The following NDST4 variants were observed in gnomAD, a reference collection of about 807,000 sequenced individuals.
NDST4 encodes N-heparan sulfate sulfotransferase 4.
NDST4 carries 63 observed loss-of-function variants against 100.8 expected under a neutral mutation model. The observed-to-expected ratio is 0.62, with a 90% CI of 0.51 to 0.77. The LOEUF is 0.77. Among genes scored for constraint, NDST4 ranks in the 30% least tolerant of loss-of-function variants. The pLI, the probability that NDST4 is intolerant of heterozygous loss-of-function variation, is 0.00. For missense variants in NDST4, 943 were observed against 1,018.4 expected (o/e 0.93, Z 1.01); for synonymous variants, 377 against 361.8 (o/e 1.04, Z -0.48).
At chr4:115,096,127 TAAAACAAAACTGAC>T in intron 1 of NDST4, among the ~76,000 whole-genome samples, 2 of 150,640 alleles carry the variant, frequency 1.3e-5, no homozygotes, top group African/African-American at 2.4e-5. Flanking sequence ...GTACATTTTT[TAAAACAAAACTGAC>T]TAAATCCCAC....
At chr4:114,881,625 A>G (rs909336316) in intron 6 of NDST4, among the ~76,000 whole-genome samples, 3 of 152,086 alleles carry the variant, frequency 2.0e-5, no homozygotes, top group African/African-American at 7.2e-5. Context: ...CTCCAGCAGT[A>G]CACCAATGAG....
At chr4:115,005,849 A>G (rs1335051968) in intron 2 of NDST4, among the ~76,000 whole-genome samples, 1 of 151,992 alleles carries the variant, frequency 6.6e-6, no homozygotes. Context: ...CCTGGCCAAC[A>G]TGGTGAAACC....
chr4:114,933,528 T>C (rs952981330), intron 6 of NDST4, among the ~76,000 whole-genome samples: 1 of 149,576 alleles, frequency 6.7e-6, no homozygotes, highest in African/African-American at 2.5e-5. Flanking sequence ...CAAAAAGCTT[T>C]TGCACAGCAA....
At chr4:114,945,154 G>A (rs1287673721) in intron 4 of NDST4, among the ~76,000 whole-genome samples, 1 of 137,792 alleles carries the variant, frequency 7.3e-6, no homozygotes, top group African/African-American at 2.7e-5. Flanking sequence ...GTTGTGGTGA[G>A]CCGAGATCAT....
intron 7 of NDST4, among the ~76,000 whole-genome samples, chr4:114,860,405 G>C (rs1374126485): frequency 6.6e-6 from 1 of 152,006 alleles, no homozygotes; most frequent in Non-Finnish European, 1.5e-5. Context: ...TTCCCAGCTA[G>C]AGAGTATATT....
At chr4:115,088,679 C>T (rs1729454709) in intron 1 of NDST4, among the ~76,000 whole-genome samples, 1 of 151,880 alleles carries the variant, frequency 6.6e-6, no homozygotes, top group Non-Finnish European at 1.5e-5. Flanking sequence ...CCTAATTTTT[C>T]TCTTTAGCTT....
At chr4:114,890,845 A>G (rs1333373156) in intron 6 of NDST4, among the ~76,000 whole-genome samples, 3 of 152,086 alleles carry the variant, frequency 2.0e-5, no homozygotes, top group East Asian at 3.9e-4. Flanking sequence ...GCCTACAATC[A>G]TATAGTCTCT....
intron 2 of NDST4, among the ~76,000 whole-genome samples, chr4:115,033,155 A>ATT (rs1293503455): frequency 0.062 from 1,687 of 27,392 alleles, 28 homozygotes; most frequent in African/African-American, 0.16. Flanking sequence ...ATATATATAT[A>ATT]TATTTTTTTT....
At chr4:115,029,649 G>A (rs1359277423) in intron 2 of NDST4, among the ~76,000 whole-genome samples, 2 of 152,024 alleles carry the variant, frequency 1.3e-5, no homozygotes, top group African/African-American at 4.8e-5. Flanking sequence ...GTTCATACAG[G>A]CTGTTTGCCA....
chr4:115,077,146 A>G lies in NDST4; in HGVS notation c.-110T>C. The stretch of plus-strand genomic sequence containing the variant: ...TCACTTCCCCAGAGTTCATGTAACC[A>G]TCGCAAATCATGTAAAATGTTTGAA... On this transcript the variant is annotated 5_prime_UTR_variant, in exon 2 of 14. An upstream start codon of the reference 5' UTR is lost. Coordinates refer to ENST00000264363, the MANE Select transcript of NDST4 (RefSeq NM_022569.3). 1 of 1,015,046 alleles carries G rather than the reference A, an allele frequency of 9.9e-7. No homozygotes were observed. Among genetic ancestry groups the G allele is most frequent in the Admixed American group, 2.9e-5 (1 of 34,990 alleles). 62.9% of individuals were successfully genotyped at this position (1,015,046 alleles called of 1,614,324 possible).
At chr4:114,970,685 T>C (rs969202598) in intron 3 of NDST4, 101 bp from the exon 4 acceptor site, 4 of 969,476 alleles carry the variant, frequency 4.1e-6, no homozygotes, top group Non-Finnish European at 6.0e-6. Flanking sequence ...TGCTGATACA[T>C]ATATCCAATT....
chr4:114,927,399 A>G (rs1349792947), intron 6 of NDST4, among the ~76,000 whole-genome samples: 1 of 152,094 alleles, frequency 6.6e-6, no homozygotes, highest in Non-Finnish European at 1.5e-5. Context: ...GGAACTTAAT[A>G]TGTCATGATT....
At chr4:115,081,525 C>G (rs761833635) in intron 1 of NDST4, among the ~76,000 whole-genome samples, 1 of 152,048 alleles carries the variant, frequency 6.6e-6, no homozygotes, top group South Asian at 2.1e-4. Context: ...GGAGAGCAAC[C>G]AACATAAGAA....
At chr4:114,985,271 C>T (rs1030996627) in intron 2 of NDST4, among the ~76,000 whole-genome samples, 2 of 152,066 alleles carry the variant, frequency 1.3e-5, no homozygotes, top group Admixed American at 6.5e-5. Context: ...TTAAGTATTT[C>T]GTTGCCATTT....
intron 2 of NDST4, among the ~76,000 whole-genome samples, chr4:115,046,677 T>C (rs1267555619): frequency 1.3e-5 from 2 of 152,238 alleles, no homozygotes; most frequent in Admixed American, 6.5e-5. Flanking sequence ...GACAAATAGA[T>C]GATACATAAT....
chr4:114,850,980 G>A (rs529181322), intron 8 of NDST4, among the ~76,000 whole-genome samples: 2 of 152,066 alleles, frequency 1.3e-5, no homozygotes, highest in African/African-American at 4.8e-5. Context: ...TTCCCTGACC[G>A]ACTTTCAGCC....
chr4:114,833,781 C>G, intron 11 of NDST4, 66 bp from the exon 12 acceptor site: 3 of 962,100 alleles, frequency 3.1e-6, no homozygotes, highest in Non-Finnish European at 4.8e-6. Flanking sequence ...TGATGCCTTC[C>G]TTTACCTGGT....
At chr4:114,941,538 GA>G (rs1259190905) in intron 4 of NDST4, among the ~76,000 whole-genome samples, 1 of 150,694 alleles carries the variant, frequency 6.6e-6, no homozygotes, top group Non-Finnish European at 1.5e-5. Context: ...GAGTACTCAA[GA>G]CCAATTTCAG....
chr4:115,099,524 A>G (rs925807402), intron 1 of NDST4, among the ~76,000 whole-genome samples: 3 of 152,198 alleles, frequency 2.0e-5, no homozygotes, highest in African/African-American at 7.2e-5. Context: ...ATACCTCCTT[A>G]ATGAAAAAAT....
Sources: allele counts gnomAD v4.1 joint callset (sites outside exome capture counted in the v4.1 genomes callset), GRCh38; gene constraint gnomAD v4.1.1; transcripts MANE v1.5; gene names NCBI Gene and HGNC (gene_info 2026-07-23, HGNC 2026-07-21).